The following COL4A3 variants were observed in gnomAD, a reference collection of about 807,000 sequenced individuals.
The protein encoded by COL4A3 is collagen type IV alpha 3 chain.
A neutral mutation model predicts 217.4 loss-of-function variants in COL4A3; 135 were observed. The ratio of observed to expected loss-of-function variants is 0.62; its 90% CI spans 0.54 to 0.72. The LOEUF is 0.72. Ranked by LOEUF, COL4A3 falls within the 30% of genes least tolerant of loss-of-function variation. The pLI is 0.00. For missense variants in COL4A3, 1,868 were observed against 2,119.9 expected, an observed-to-expected ratio of 0.88 and a Z score of 2.33; for synonymous variants, 690 against 736.3, an observed-to-expected ratio of 0.94 and a Z score of 1.02.
At chr2:227,184,570 G>A (rs2065956650) in intron 1 of COL4A3, among the ~76,000 whole-genome samples, 1 of 151,998 alleles carries the variant, frequency 6.6e-6, no homozygotes. Flanking sequence ...ACTACATTTT[G>A]GTATTCACTT....
intron 1 of COL4A3, among the ~76,000 whole-genome samples, chr2:227,186,435 T>A (rs2125688275): frequency 6.6e-6 from 1 of 152,302 alleles, no homozygotes; most frequent in South Asian, 2.1e-4. Context: ...AGTGGCATCA[T>A]CATCTCTGCT....
chr2:227,222,122 C>A (rs1559839698), intron 1 of COL4A3, among the ~76,000 whole-genome samples: 5 of 105,254 alleles, frequency 4.8e-5, no homozygotes, highest in South Asian at 3.9e-4. Flanking sequence ...GACACTGTCT[C>A]TAATAATAAT....
chr2:227,295,909 C>A (rs1315644604), intron 41 of COL4A3, among the ~76,000 whole-genome samples: 1 of 152,218 alleles, frequency 6.6e-6, no homozygotes, highest in East Asian at 1.9e-4. Context: ...TAAACAGCTT[C>A]TTTTAACTCT....
At chr2:227,242,830 T>C (rs1299784875) in intron 3 of COL4A3, among the ~76,000 whole-genome samples, 2 of 152,234 alleles carry the variant, frequency 1.3e-5, no homozygotes, top group African/African-American at 4.8e-5. Flanking sequence ...AGCTTACATG[T>C]AAAATGCAAA....
At chr2:227,300,711 C>A (rs11904284) in intron 43 of COL4A3, among the ~76,000 whole-genome samples, 2 of 152,092 alleles carry the variant, frequency 1.3e-5, no homozygotes, top group Non-Finnish European at 2.9e-5. Context: ...GACACAGAGA[C>A]GGCCATTTTC....
At chr2:227,298,891 T>C (rs1295724868) in intron 43 of COL4A3, 79 bp downstream of exon 43, 7 of 1,315,890 alleles carry the variant, frequency 5.3e-6, no homozygotes, top group South Asian at 2.7e-5. Context: ...TATTATATCA[T>C]ATATTGTTGA....
At chr2:227,233,724 C>T (rs1342619960) in intron 1 of COL4A3, among the ~76,000 whole-genome samples, 1 of 152,084 alleles carries the variant, frequency 6.6e-6, no homozygotes, top group Admixed American at 6.6e-5. Flanking sequence ...ATAAAGGAGG[C>T]ACCTCATGGC....
intron 44 of COL4A3, 143 bp from the exon 45 acceptor site, chr2:227,303,716 A>G (rs1390101892): frequency 1.8e-5 from 14 of 799,274 alleles, no homozygotes; most frequent in East Asian, 1.6e-4. Flanking sequence ...ACAAAATGAA[A>G]TTGTAGCCCT....
At chr2:227,186,343 A>T (rs2066032058) in intron 1 of COL4A3, among the ~76,000 whole-genome samples, 1 of 152,206 alleles carries the variant, frequency 6.6e-6, no homozygotes, top group Non-Finnish European at 1.5e-5. Flanking sequence ...GAGGCTTATG[A>T]TGACACCATT....
At chr2:227,172,581 C>CTTTTTTTTTTTTTTT in intron 1 of COL4A3, among the ~76,000 whole-genome samples, 1 of 73,586 alleles carries the variant, frequency 1.4e-5, no homozygotes, top group Middle Eastern at 0.01. Context: ...TCGTCTTCTT[C>CTTTTTTTTTTTTTTT]TTTTTTTTTT....
intron 21 of COL4A3, 28 bp downstream of exon 21, chr2:227,263,972 G>A: frequency 1.9e-6 from 3 of 1,613,838 alleles, no homozygotes; most frequent in Non-Finnish European, 2.5e-6. Flanking sequence ...GACCCCTTTT[G>A]TGCACAGTGC....
chr2:227,261,112 G>C lies in COL4A3; in HGVS notation c.1145G>C (p.Ser382Thr). Residue 382 changes from serine to threonine, a missense_variant, in exon 20 of 52, where the codon AGT becomes ACT. By Grantham distance (58) the Ser-to-Thr change is moderately conservative. Transcript: ENST00000396578. ...AGTGGTCCCCCCGGAGTTCCTGGAA[G>C]TCCTGGTATGTCCATGTTTCTTGGG... ...GPSGPPGVPG[S>T]PGSSRPGLRG... The C allele has an allele frequency of 6.2e-7, 1 of 1,610,762 alleles. No homozygotes were observed. The highest frequency in any genetic ancestry group is 8.5e-7 in the Non-Finnish European group (1 of 1,176,968).
intron 1 of COL4A3, among the ~76,000 whole-genome samples, chr2:227,232,253 C>T (rs1191910717): frequency 1.3e-5 from 2 of 152,194 alleles, no homozygotes; most frequent in Non-Finnish European, 2.9e-5. Context: ...CTATAGTATA[C>T]TCTGGTTTCT....
In COL4A3 at chr2:227,295,020, C is replaced by T. The variant is rs142376694; in HGVS notation, c.3475C>T (p.Arg1159Cys). The T allele has an allele frequency of 1.6e-5, 25 of 1,612,490 alleles. No homozygotes were observed. The highest frequency in any genetic ancestry group is 6.6e-5 in the South Asian group (6 of 91,022). ...GPMGIRGDQG[R>C]DGIPGPAGEK... is the part of the protein sequence containing the mutation. ...AATGGGTATAAGAGGTGACCAAGGA[C>T]GTGATGGAATTCCTGGTCCAGCCGG... Residue 1159 changes from arginine (R) to cysteine (C), a missense_variant, in exon 40 of 52, where the codon CGT becomes TGT. This residue lies in a region of COL4A3 where 1,503 missense variants were observed against 1,786.1 expected (regional missense o/e 0.84). Coordinates refer to ENST00000396578, the MANE Select transcript of COL4A3 (RefSeq NM_000091.5).
At chr2:227,289,506 T>C (rs2072548392) in intron 35 of COL4A3, among the ~76,000 whole-genome samples, 1 of 152,236 alleles carries the variant, frequency 6.6e-6, no homozygotes, top group African/African-American at 2.4e-5. Context: ...TTATAAATTA[T>C]AATGTATCAC....
intron 1 of COL4A3, among the ~76,000 whole-genome samples, chr2:227,188,806 G>T (rs1320562091): frequency 6.6e-6 from 1 of 152,178 alleles, no homozygotes; most frequent in African/African-American, 2.4e-5. Flanking sequence ...TGTGCTAGGT[G>T]CTGTGTTATG....
intron 20 of COL4A3, 117 bp downstream of exon 20, chr2:227,261,234 G>T (rs928967170): frequency 2.1e-6 from 2 of 943,156 alleles, no homozygotes; most frequent in East Asian, 5.1e-5. Context: ...TGATCTAGAA[G>T]TGTTTCCAGG....
At chr2:227,184,953 G>A (rs183868758) in intron 1 of COL4A3, among the ~76,000 whole-genome samples, 3,311 of 138,594 alleles carry the variant, frequency 0.024, 85 homozygotes, top group Non-Finnish European at 0.034. Context: ...CCAGGCTGGA[G>A]TGCAGTGGTG....
intron 20 of COL4A3, among the ~76,000 whole-genome samples, chr2:227,261,908 A>G (rs574979982): frequency 4.9e-4 from 75 of 152,236 alleles, no homozygotes; most frequent in Non-Finnish European, 9.7e-4. Flanking sequence ...TGGATCAGGG[A>G]TGGTCCACAG....
Sources: allele counts gnomAD v4.1 joint callset (sites outside exome capture counted in the v4.1 genomes callset), GRCh38; gene constraint gnomAD v4.1.1; regional missense constraint gnomAD v4.1.1; transcripts MANE v1.5; gene names NCBI Gene and HGNC (gene_info 2026-07-23, HGNC 2026-07-21).